VPS33A: variants seen among roughly 807,000 people sequenced by gnomAD.
The protein encoded by VPS33A is vacuolar protein sorting-associated protein 33A.
In VPS33A, 32 loss-of-function variants were observed where a neutral mutation model predicts 71.8. That is an observed-to-expected ratio of 0.45 (90% confidence interval 0.34 to 0.60). The LOEUF is 0.60. Ranked by LOEUF, VPS33A falls within the 20% of genes least tolerant of loss-of-function variation. VPS33A has a pLI of 0.02. For synonymous variants in VPS33A, 311 were observed against 292.7 expected, an observed-to-expected ratio of 1.06 and a Z score of -0.64; for missense variants, 625 against 748.5, an observed-to-expected ratio of 0.84 and a Z score of 1.92.
At chr12:122,240,615 G>A (rs1954700940) in intron 8 of VPS33A, among the ~76,000 whole-genome samples, 1 of 152,144 alleles carries the variant, frequency 6.6e-6, no homozygotes, top group African/African-American at 2.4e-5. Flanking sequence ...GGGAAACAAA[G>A]GACTGATTTT....
intron 2 of VPS33A, 133 bp downstream of exon 2, chr12:122,264,001 G>A: frequency 2.7e-6 from 2 of 753,294 alleles, no homozygotes; most frequent in Non-Finnish European, 4.2e-6. Flanking sequence ...TGTTAATCGG[G>A]CACTAGTATT....
intron 4 of VPS33A, among the ~76,000 whole-genome samples, chr12:122,256,899 G>A (rs1954926517): frequency 6.6e-6 from 1 of 152,148 alleles, no homozygotes; most frequent in Non-Finnish European, 1.5e-5. Context: ...ACTCTATGCA[G>A]CTTCAAATGA....
At position 122,266,325 on chromosome 12, in the gene VPS33A, G is replaced by A; in HGVS notation, c.84C>T (p.Asp28=). 6.2e-7 allele frequency: 1 copy of A among 1,612,808 alleles called. No homozygotes were observed. Among genetic ancestry groups the A allele is most frequent in the Non-Finnish European group, 8.5e-7 (1 of 1,179,962 alleles). ...CCCTCACCTTGCTTCCTGCGCACTT[G>A]TCCAGGAACTCGCGCAGCTCGCGAC... The part of the protein sequence containing the change: ...AVRRELREFL[D]KCAGSKAIVW... Residue 28 remains aspartate (D), a synonymous_variant, in exon 1 of 13, where the codon GAC becomes GAT. Transcript: ENST00000267199.
intron 1 of VPS33A, chr12:122,265,762 A>G: frequency 2.2e-6 from 1 of 448,286 alleles, no homozygotes; most frequent in Non-Finnish European, 4.5e-6. Context: ...TGTTTAAAAG[A>G]AATCCTATAA....
chr12:122,264,378 T>A (rs1471618275), intron 1 of VPS33A, among the ~76,000 whole-genome samples, 179 bp from the exon 2 acceptor site: 1 of 152,044 alleles, frequency 6.6e-6, no homozygotes, highest in Non-Finnish European at 1.5e-5. Flanking sequence ...AATTTAAAAA[T>A]TTTTTGGGGT....
At chr12:122,236,699 T>A (rs1229104719) in intron 10 of VPS33A, among the ~76,000 whole-genome samples, 8 of 152,232 alleles carry the variant, frequency 5.3e-5, no homozygotes. Context: ...CTGGGCACTG[T>A]TCTGGTCTAA....
chr12:122,244,876 G>A (rs763284302), intron 6 of VPS33A, 114 bp from the exon 7 acceptor site: 75 of 981,790 alleles, frequency 7.6e-5, no homozygotes, highest in Non-Finnish European at 1.0e-4. Flanking sequence ...GACGGCAAAC[G>A]ACACATAGCT....
At chr12:122,237,080 C>G (rs1190196463) in intron 10 of VPS33A, among the ~76,000 whole-genome samples, 8 of 152,160 alleles carry the variant, frequency 5.3e-5, no homozygotes, top group African/African-American at 1.9e-4. Context: ...TTAATGAGCA[C>G]TCAATTTTAA....
At chr12:122,240,854 T>G (rs1376835213) in intron 8 of VPS33A, among the ~76,000 whole-genome samples, 1 of 152,170 alleles carries the variant, frequency 6.6e-6, no homozygotes, top group East Asian at 1.9e-4. Flanking sequence ...GGAAAAAAGC[T>G]GCTGGCCGCG....
chr12:122,238,790 C>CACAA, intron 9 of VPS33A, 66 bp from the exon 10 acceptor site: 1 of 1,275,834 alleles, frequency 7.8e-7, no homozygotes, highest in Non-Finnish European at 1.1e-6. Context: ...CACACACACA[C>CACAA]ACACACACAC....
At chr12:122,261,611 G>GCAC (rs1954996346) in intron 3 of VPS33A, among the ~76,000 whole-genome samples, 164 bp from the exon 4 acceptor site, 2 of 152,184 alleles carry the variant, frequency 1.3e-5, no homozygotes, top group Non-Finnish European at 2.9e-5. Context: ...GCTCACACCT[G>GCAC]TAATCTCAGC....
intron 11 of VPS33A, 28 bp downstream of exon 11, chr12:122,235,758 T>A: frequency 6.3e-7 from 1 of 1,597,066 alleles, no homozygotes; most frequent in Non-Finnish European, 8.5e-7. Context: ...GTCCCTAAGC[T>A]GAGACGAGGT....
At chr12:122,264,229 A>G (rs762540004) in intron 1 of VPS33A, 30 bp from the exon 2 acceptor site, 2 of 1,468,236 alleles carry the variant, frequency 1.4e-6, no homozygotes, top group Admixed American at 3.7e-5. Context: ...TTCTCTTATT[A>G]TAGTTAATAT....
chr12:122,234,921 T>A (rs1954609544), intron 11 of VPS33A, among the ~76,000 whole-genome samples: 1 of 152,052 alleles, frequency 6.6e-6, no homozygotes. Flanking sequence ...AACACCCCCC[T>A]CTCCTTGTCC....
intron 6 of VPS33A, chr12:122,248,588 G>C (rs1156568567): frequency 6.6e-6 from 1 of 152,218 alleles, no homozygotes; most frequent in South Asian, 2.1e-4. Context: ...CTTCCATAGA[G>C]TGGCCTCGAC....
Position 122,263,586 on chromosome 12 carries a change from A to G in VPS33A, c.282T>C (p.Ala94=), listed in dbSNP as rs76521771. The G allele has an allele frequency of 9.4e-4, 1,517 of 1,606,898 alleles. 17 individuals are homozygous for G. In the African/African-American group the frequency reaches 0.017, roughly 18 times the overall value. Residue 94 remains alanine, a synonymous_variant, in exon 3 of 13, where the codon GCT becomes GCC. Transcript: ENST00000267199. ...CTCTGAGATACCTGAGCACGTTTTCAGCGATTATATCCATCAACTCTAGCC... is the reference window on the plus strand; with the variant it reads ...CTCTGAGATACCTGAGCACGTTTTCGGCGATTATATCCATCAACTCTAGCC... The part of the protein sequence containing the change: ...RPRLELMDII[A]ENVLSEDRRG...
chr12:122,233,033 C>T (rs1035280436), intron 11 of VPS33A, 65 bp from the exon 12 acceptor site: 1 of 1,431,112 alleles, frequency 7.0e-7, no homozygotes, highest in Non-Finnish European at 9.3e-7. Flanking sequence ...TGACTGTGGC[C>T]TTTTGGGTAA....
At chr12:122,240,664 C>CG (rs1436294150) in intron 8 of VPS33A, among the ~76,000 whole-genome samples, 4 of 152,202 alleles carry the variant, frequency 2.6e-5, no homozygotes, top group Non-Finnish European at 5.9e-5. Flanking sequence ...AAGTATACTT[C>CG]ATAAAACAAT....
At chr12:122,250,685 GAAA>G (rs1012906378) in intron 5 of VPS33A, among the ~76,000 whole-genome samples, 11 of 152,184 alleles carry the variant, frequency 7.2e-5, no homozygotes, top group African/African-American at 2.7e-4. Context: ...GTGAGACTGT[GAAA>G]AGTACACTTG....
Sources: allele counts gnomAD v4.1 joint callset (sites outside exome capture counted in the v4.1 genomes callset), GRCh38; gene constraint gnomAD v4.1.1; transcripts MANE v1.5; gene names NCBI Gene and HGNC (gene_info 2026-07-23, HGNC 2026-07-21).